Variants in FSIP1 observed in about 807,000 individuals in gnomAD.
FSIP1 encodes the protein fibrous sheath interacting protein 1.
Under a neutral mutation model 60.9 loss-of-function variants are expected in FSIP1, and 65 were observed. That is an observed-to-expected ratio of 1.07 (90% CI 0.87 to 1.31). FSIP1 has a LOEUF of 1.31. FSIP1 is among the 40% of genes most tolerant of loss of function. FSIP1 has a pLI of 0.00. For synonymous variants in FSIP1, 209 were observed against 221.2 expected, an observed-to-expected ratio of 0.94 and a Z score of 0.49; for missense variants, 675 against 665.5, an observed-to-expected ratio of 1.01 and a Z score of -0.16.
At chr15:39,765,425 G>T (rs1328502027) in intron 4 of FSIP1, among the ~76,000 whole-genome samples, 167 bp downstream of exon 4, 1 of 151,318 alleles carries the variant, frequency 6.6e-6, no homozygotes, top group East Asian at 1.9e-4. Context: ...GGTTTTTTTT[G>T]TACAGATGGG....
intron 5 of FSIP1, among the ~76,000 whole-genome samples, chr15:39,759,791 T>C (rs1172717144): frequency 1.3e-5 from 2 of 152,184 alleles, no homozygotes; most frequent in Non-Finnish European, 2.9e-5. Flanking sequence ...CTCCAATCTC[T>C]GCCTCCGTCT....
chr15:39,769,662 A>G (rs1566920850), intron 3 of FSIP1, among the ~76,000 whole-genome samples: 1 of 152,224 alleles, frequency 6.6e-6, no homozygotes, highest in Admixed American at 6.5e-5. Context: ...ATGCATATTT[A>G]AGGGTCAAAA....
chr15:39,763,824 C>A lies in FSIP1; in HGVS notation c.556G>T (p.Val186Phe). Reference protein sequence around the residue: ...LSLTAVSEETVGPSHEEEDTF... With the variant: ...LSLTAVSEETFGPSHEEEDTF... ...AATGACATCTCCATCTACTCACCAA[C>A]AGTTTCTTCAGAAACAGCAGTCAAA... The change falls in exon 5 of 12, where the codon GTT becomes TTT. Residue 186 changes from valine to phenylalanine, a missense_variant. Transcript: ENST00000350221. 6.6e-7 allele frequency: 1 copy of A among 1,508,208 alleles called. No individual in the cohort carries two copies. Among genetic ancestry groups the A allele is most frequent in the Non-Finnish European group, 9.2e-7 (1 of 1,085,580 alleles). 93.4% of individuals were successfully genotyped at this position (1,508,208 alleles called of 1,614,324 possible). A position where few individuals can be genotyped will look rare whatever the true frequency, so the allele number is the denominator to read the frequency against.
At position 39,600,693 on chromosome 15, in the gene FSIP1, C is replaced by A; in HGVS notation, c.*187G>T. On this transcript the variant is annotated 3_prime_UTR_variant, in exon 12 of 12. Transcript: ENST00000350221. ...CCCAGAAATTTTAATGAGCAAAAAC[C>A]ACTGAACAATTACACCCCAAGTCTC... The A allele has an allele frequency of 1.6e-5, 8 of 498,748 alleles. No individual in the cohort carries two copies. In the South Asian group the frequency reaches 1.8e-4, roughly 11 times the overall value. The allele number at this position is 498,748 out of a possible 1,614,324, so 30.9% of individuals were successfully genotyped here.
intron 5 of FSIP1, among the ~76,000 whole-genome samples, chr15:39,745,097 C>T (rs960063568): frequency 3.2e-5 from 4 of 124,440 alleles, no homozygotes; most frequent in African/African-American, 8.9e-5. Flanking sequence ...CGCCACCCCG[C>T]CCCCCACCCC....
intron 10 of FSIP1, among the ~76,000 whole-genome samples, chr15:39,626,856 A>T (rs1454009137): frequency 6.6e-6 from 1 of 152,214 alleles, no homozygotes; most frequent in African/African-American, 2.4e-5. Flanking sequence ...TTCAGGTACC[A>T]GGACTTCTGC....
At chr15:39,666,288 T>C (rs1893491955) in intron 10 of FSIP1, among the ~76,000 whole-genome samples, 2 of 152,182 alleles carry the variant, frequency 1.3e-5, no homozygotes, top group Admixed American at 1.3e-4. Flanking sequence ...ACTAACATTA[T>C]CTATAAGTCC....
At chr15:39,668,672 G>A (rs1893597798) in intron 10 of FSIP1, among the ~76,000 whole-genome samples, 1 of 152,150 alleles carries the variant, frequency 6.6e-6, no homozygotes, top group African/African-American at 2.4e-5. Context: ...TCACTTGTCT[G>A]GTCACAGAGC....
intron 11 of FSIP1, among the ~76,000 whole-genome samples, chr15:39,604,620 T>C (rs561603372): frequency 2.0e-5 from 3 of 152,328 alleles, no homozygotes; most frequent in South Asian, 2.1e-4. Flanking sequence ...ATTTCTAATA[T>C]GGCATCTCTG....
intron 10 of FSIP1, among the ~76,000 whole-genome samples, chr15:39,649,595 A>G (rs540118124): frequency 4.9e-4 from 75 of 152,146 alleles, no homozygotes; most frequent in Non-Finnish European, 9.4e-4. Context: ...GGTTAGCATC[A>G]TTTTCTAAGG....
intron 5 of FSIP1, 70 bp from the exon 6 acceptor site, chr15:39,741,970 T>A: frequency 1.2e-6 from 1 of 826,300 alleles, no homozygotes; most frequent in Non-Finnish European, 2.0e-6. Context: ...AAAATTGTTT[T>A]AAAAAGATAA....
At chr15:39,662,997 A>C (rs1893359891) in intron 10 of FSIP1, among the ~76,000 whole-genome samples, 1 of 152,230 alleles carries the variant, frequency 6.6e-6, no homozygotes, top group African/African-American at 2.4e-5. Context: ...GCATAATCTT[A>C]GACAGCAACC....
At chr15:39,667,203 T>C (rs1364673208) in intron 10 of FSIP1, among the ~76,000 whole-genome samples, 1 of 152,218 alleles carries the variant, frequency 6.6e-6, no homozygotes, top group Non-Finnish European at 1.5e-5. Flanking sequence ...CATAACTCAA[T>C]GACTTGATTA....
At chr15:39,633,931 A>C (rs1489893688) in intron 10 of FSIP1, among the ~76,000 whole-genome samples, 1 of 152,192 alleles carries the variant, frequency 6.6e-6, no homozygotes, top group Non-Finnish European at 1.5e-5. Flanking sequence ...CACAGCCTCC[A>C]AATTTGCAGA....
downstream of FSIP1, chr15:39,597,577 T>A (rs993107780): frequency 2.0e-5 from 3 of 152,166 alleles, no homozygotes; most frequent in Non-Finnish European, 4.4e-5. Context: ...TTACAGTAAG[T>A]CATAGCAACA....
chr15:39,672,006 C>T (rs1893739749), intron 10 of FSIP1, among the ~76,000 whole-genome samples: 1 of 152,194 alleles, frequency 6.6e-6, no homozygotes, highest in Non-Finnish European at 1.5e-5. Flanking sequence ...GTTCCACAAA[C>T]TTTCCTGCAT....
chr15:39,776,977 G>A (rs1342785373), intron 1 of FSIP1, among the ~76,000 whole-genome samples: 4 of 152,054 alleles, frequency 2.6e-5, no homozygotes, highest in African/African-American at 9.7e-5. Context: ...CCAGGCTGGA[G>A]TGCAGTGTCG....
At chr15:39,742,390 T>A (rs1896833747) in intron 5 of FSIP1, among the ~76,000 whole-genome samples, 1 of 152,240 alleles carries the variant, frequency 6.6e-6, no homozygotes, top group Non-Finnish European at 1.5e-5. Context: ...TCTTTTCTGA[T>A]GTATTTTCTT....
chr15:39,622,304 G>T (rs1165225249), intron 10 of FSIP1, among the ~76,000 whole-genome samples: 2 of 152,002 alleles, frequency 1.3e-5, no homozygotes, highest in East Asian at 3.8e-4. Context: ...CATTTTTCCA[G>T]GCCAGAACCC....
Sources: allele counts gnomAD v4.1 joint callset (sites outside exome capture counted in the v4.1 genomes callset), GRCh38; gene constraint gnomAD v4.1.1; transcripts MANE v1.5; gene names NCBI Gene and HGNC (gene_info 2026-07-23, HGNC 2026-07-21).